The following ANAPC11 variants were observed in gnomAD, a reference collection of about 807,000 sequenced individuals.
ANAPC11 encodes anaphase-promoting complex subunit 11.
ANAPC11 carries 5 observed loss-of-function variants against 11.8 expected under a neutral mutation model. The observed-to-expected ratio is 0.42, with a 90% CI of 0.22 to 0.89. The LOEUF is 0.89. ANAPC11 is among the 40% of genes least tolerant of loss of function. ANAPC11 has a pLI of 0.28. For synonymous variants in ANAPC11, 45 were observed against 41.0 expected (o/e 1.10, Z -0.38); for missense variants, 68 against 112.9 (o/e 0.60, Z 1.80).
At chr17:81,891,541 T>G, upstream of ANAPC11, 4 of 1,435,466 alleles carry the variant, frequency 2.8e-6, no homozygotes, top group Non-Finnish European at 3.7e-6. Context: ...TCCAGAGACA[T>G]GTCCATTTTG....
In ANAPC11 at chr17:81,900,071, G is replaced by A. The variant is rs781372181; in HGVS notation, c.*6G>A. On this transcript the variant is annotated 3_prime_UTR_variant, in exon 4 of 4. Coordinates refer to ENST00000344877, the MANE Select transcript of ANAPC11 (RefSeq NM_001002248.3). ...AATGGAAGTTCAAGGAGTGAGGCCC[G>A]ACCTGGCTCTCGCTGGAGGGGCATC... is the stretch of plus-strand genomic sequence containing the variant. 41 of 1,612,178 alleles carry A rather than the reference G, an allele frequency of 2.5e-5. No individual in the cohort carries two copies. The highest frequency in any genetic ancestry group is 3.1e-5 in the Non-Finnish European group (36 of 1,179,766).
In ANAPC11 at chr17:81,891,762, G is replaced by T; in HGVS notation, c.-154G>T. 2.5e-6 allele frequency: 1 copy of T among 393,134 alleles called. No homozygotes were observed. Among genetic ancestry groups the T allele is most frequent in the East Asian group, 7.0e-5 (1 of 14,216 alleles). The allele number at this position is 393,134 out of a possible 1,614,324, so 24.4% of individuals were successfully genotyped here. A position where few individuals can be genotyped will look rare whatever the true frequency, so the allele number is the denominator to read the frequency against. ...GCGAGACTCGGCGGGCGCTGTTGAG[G>T]GAGTCGGGCCGCGACTGTGGTCGTT... On this transcript the variant is annotated 5_prime_UTR_variant, in exon 1 of 4. Transcript: ENST00000344877.
At chr17:81,899,435 A>G (rs1211040120) in intron 3 of ANAPC11, 9 of 1,613,896 alleles carry the variant, frequency 5.6e-6, no homozygotes, top group Non-Finnish European at 7.6e-6. Flanking sequence ...CCCTTGATCA[A>G]GAGACCAGTT....
rs111419775 is a variant in ANAPC11 at position 81,894,398 on chromosome 17, G to A, written c.-11-69G>A. On this transcript the variant is annotated intron_variant, in intron 2 of 3. Coordinates refer to ENST00000344877, the MANE Select transcript of ANAPC11 (RefSeq NM_001002248.3). ...ACTGCACTGTGGCAGGCTTATACCTGTGTTGGTGCCTAAACGTTCTAGCTC... is the reference window on the plus strand; with the variant it reads ...ACTGCACTGTGGCAGGCTTATACCTATGTTGGTGCCTAAACGTTCTAGCTC... The A allele has an allele frequency of 0.022, 19,823 of 887,884 alleles. 2,681 individuals are homozygous for A. In the African/African-American group the frequency reaches 0.29, roughly 13 times the overall value. 55.0% of individuals were successfully genotyped at this position (887,884 alleles called of 1,614,324 possible).
At chr17:81,898,457 C>T (rs1355978445) in intron 3 of ANAPC11, 5 of 152,256 alleles carry the variant, frequency 3.3e-5, no homozygotes, top group African/African-American at 9.6e-5. Context: ...GCTTTGTTAA[C>T]ATGGGGCCTG....
At chr17:81,893,314 G>A (rs2039617069) in intron 1 of ANAPC11, 1 of 151,988 alleles carries the variant, frequency 6.6e-6, no homozygotes. Flanking sequence ...GGCTGGTCTT[G>A]AACTCCTGAC....
At chr17:81,899,201 C>G in intron 3 of ANAPC11, 1 of 1,587,450 alleles carries the variant, frequency 6.3e-7, no homozygotes. Flanking sequence ...ACACTCATTT[C>G]TCTTGATCAT....
chr17:81,892,598 C>T (rs970590316), intron 1 of ANAPC11, among the ~76,000 whole-genome samples: 1 of 146,996 alleles, frequency 6.8e-6, no homozygotes, highest in South Asian at 2.1e-4. Flanking sequence ...TCTCGGCTCA[C>T]TGCAACCTCT....
intron 3 of ANAPC11, 100 bp downstream of exon 3, chr17:81,894,686 T>TAA (rs1176060682): frequency 5.1e-6 from 3 of 590,090 alleles, no homozygotes; most frequent in Non-Finnish European, 8.4e-6. Flanking sequence ...TCCTGTTAAA[T>TAA]ACCTGCACGA....
chr17:81,894,597 C>A lies in ANAPC11; in HGVS notation c.109+11C>A. ...GATGCTGCCCTGACTGTGAGTGTCC[C>A]CTCCATGCTGTCTGAGCGGCCCCGA... On this transcript the variant is annotated intron_variant, in intron 3 of 3. Transcript: ENST00000344877. 1 of 1,584,340 alleles carries A rather than the reference C, an allele frequency of 6.3e-7. No individual in the cohort carries two copies. The highest frequency in any genetic ancestry group is 1.7e-5 in the Admixed American group (1 of 58,818).
At chr17:81,894,608 T>C (rs993775288) in intron 3 of ANAPC11, 22 bp downstream of exon 3, 2 of 1,556,688 alleles carry the variant, frequency 1.3e-6, no homozygotes, top group African/African-American at 2.7e-5. Flanking sequence ...CTCCATGCTG[T>C]CTGAGCGGCC....
intron 3 of ANAPC11, among the ~76,000 whole-genome samples, chr17:81,897,064 G>A (rs556845773): frequency 7.2e-5 from 11 of 152,176 alleles, no homozygotes; most frequent in Admixed American, 1.3e-4. Context: ...GCAGTGGCAC[G>A]ATCTTGGCTC....
upstream of ANAPC11, chr17:81,891,578 C>A (rs770166422): frequency 8.3e-5 from 119 of 1,426,086 alleles, no homozygotes; most frequent in Non-Finnish European, 9.8e-5. Flanking sequence ...CGGAATCGGG[C>A]ATCGGCTCGA....
chr17:81,891,381 G>A (rs1467381627), upstream of ANAPC11: 1 of 1,131,822 alleles, frequency 8.8e-7, no homozygotes, highest in Non-Finnish European at 1.1e-6. Context: ...GCGGGCGATG[G>A]CCGGCCGGTT....
upstream of ANAPC11, chr17:81,890,882 T>C: frequency 9.9e-6 from 16 of 1,608,852 alleles, no homozygotes; most frequent in South Asian, 1.8e-4. Context: ...TTCCTGACCC[T>C]CACGGCTACT....
At chr17:81,899,397 T>C (rs2039859106) in intron 3 of ANAPC11, 1 of 1,613,734 alleles carries the variant, frequency 6.2e-7, no homozygotes, top group African/African-American at 1.3e-5. Flanking sequence ...GGAAGAGTCT[T>C]CTAGGTCCCC....
chr17:81,891,206 G>A (rs2143502450), upstream of ANAPC11: 2 of 781,120 alleles, frequency 2.6e-6, no homozygotes, highest in Admixed American at 6.5e-5. Flanking sequence ...GGACCTCCGG[G>A]CGGCCGCTCC....
chr17:81,899,810 C>T (rs2039879150), intron 3 of ANAPC11, 110 bp from the exon 4 acceptor site: 5 of 1,132,872 alleles, frequency 4.4e-6, no homozygotes, highest in South Asian at 3.2e-5. Flanking sequence ...TGAGAGGCTG[C>T]AGTGCTGGAG....
At chr17:81,891,161 G>T (rs532136533), upstream of ANAPC11, among the ~76,000 whole-genome samples, 495 of 51,630 alleles carry the variant, frequency 9.6e-3, 1 homozygote, top group African/African-American at 0.035. Context: ...CCTCGCTCCC[G>T]CCCACCACCC....
Sources: gnomAD v4.1 joint callset for allele counts (sites outside exome capture counted in the v4.1 genomes callset) on GRCh38, gnomAD v4.1.1 for gene constraint, MANE v1.5 for transcripts, NCBI Gene and HGNC (gene_info 2026-07-23, HGNC 2026-07-21) for gene names.